DNAH5: variants seen among roughly 807,000 people sequenced by gnomAD.
DNAH5 encodes the protein dynein axonemal heavy chain 5, also known as axonemal beta dynein heavy chain 5.
DNAH5 carries 372 observed loss-of-function variants against 518.2 expected under a neutral mutation model. The observed-to-expected ratio is 0.72, with a 90% CI of 0.66 to 0.78. The LOEUF (loss-of-function observed/expected upper bound fraction) is 0.78, where lower values mean the gene tolerates loss of function less well. Among genes scored for constraint, DNAH5 ranks in the 30% least tolerant of loss-of-function variants. DNAH5 has a pLI of 0.00. For missense variants in DNAH5, 5,523 were observed against 5,687.0 expected (o/e 0.97, Z 0.93); for synonymous variants, 2,039 against 2,025.9 (o/e 1.01, Z -0.17).
At chr5:13,900,107 G>A in intron 15 of DNAH5, 99 bp downstream of exon 15, 1 of 1,121,854 alleles carries the variant, frequency 8.9e-7, no homozygotes. Flanking sequence ...CATTCATCCT[G>A]GCCACTTTCT....
At chr5:13,999,948 T>C (rs1364902492) in intron 1 of DNAH5, among the ~76,000 whole-genome samples, 2 of 152,192 alleles carry the variant, frequency 1.3e-5, no homozygotes, top group Non-Finnish European at 2.9e-5. Context: ...AAAAACAATT[T>C]ATCATGTGTT....
chr5:13,930,581 T>C (rs920288140), intron 2 of DNAH5, among the ~76,000 whole-genome samples: 1 of 152,190 alleles, frequency 6.6e-6, no homozygotes, highest in Non-Finnish European at 1.5e-5. Context: ...TATCTTCCCA[T>C]ATTTTGGCCT....
At position 13,911,366 on chromosome 5, in the gene DNAH5, A is replaced by C; in HGVS notation, c.1644+20T>G. The C allele has an allele frequency of 2.5e-6, 4 of 1,585,504 alleles. No homozygotes were observed. The highest frequency in any genetic ancestry group is 3.5e-6 in the Non-Finnish European group (4 of 1,154,214). On this transcript the variant is annotated intron_variant, in intron 12 of 78. Coordinates refer to ENST00000265104, the MANE Select transcript of DNAH5 (RefSeq NM_001369.3). Reference sequence around the variant, plus strand: ...AAATAAACACACGACTGTCAACAGGAATTTTATTATACAACCTACATGAAG... The same window carrying C: ...AAATAAACACACGACTGTCAACAGGCATTTTATTATACAACCTACATGAAG...
chr5:13,988,178 G>A (rs1224821140), intron 1 of DNAH5, among the ~76,000 whole-genome samples: 1 of 152,190 alleles, frequency 6.6e-6, no homozygotes, highest in Non-Finnish European at 1.5e-5. Context: ...AATTCAAGCA[G>A]TAGAAAATCG....
At chr5:13,971,419 T>C (rs1361555940) in intron 1 of DNAH5, among the ~76,000 whole-genome samples, 1 of 152,204 alleles carries the variant, frequency 6.6e-6, no homozygotes, top group East Asian at 1.9e-4. Context: ...AGAGAAAAGA[T>C]CTGGGGCTCA....
intron 40 of DNAH5, among the ~76,000 whole-genome samples, chr5:13,822,511 A>G (rs1226870031): frequency 6.6e-6 from 1 of 152,168 alleles, no homozygotes; most frequent in Non-Finnish European, 1.5e-5. Context: ...TTGGCCTCCC[A>G]GAGTGCAGGG....
At chr5:13,783,503 G>C (rs151269911) in intron 52 of DNAH5, among the ~76,000 whole-genome samples, 1 of 152,012 alleles carries the variant, frequency 6.6e-6, no homozygotes, top group Non-Finnish European at 1.5e-5. Flanking sequence ...TGGGGGAGGC[G>C]CTCCAGGATC....
chr5:13,864,539 T>C lies in DNAH5; in HGVS notation c.4454A>G (p.Tyr1485Cys). 6.2e-7 allele frequency: 1 copy of C among 1,614,126 alleles called. No individual in the cohort carries two copies. The highest frequency in any genetic ancestry group is 8.5e-7 in the Non-Finnish European group (1 of 1,180,006). Reference sequence around the variant, plus strand: ...CTCCATCATGGCTTTACTGGCCATGTATTCCAGCAGCGGGCAACACTCGCT... The same window carrying C: ...CTCCATCATGGCTTTACTGGCCATGCATTCCAGCAGCGGGCAACACTCGCT... ...DFSECCPLLE[Y>C]MASKAMMERH... The change falls in exon 28 of 79, where the codon TAC becomes TGC. Residue 1485 changes from tyrosine to cysteine, a missense_variant. This residue lies in a region of DNAH5 where 5,121 missense variants were observed against 5,223.3 expected (regional missense o/e 0.98). Transcript: ENST00000265104.
At chr5:13,735,388 G>T (rs1308659980) in intron 67 of DNAH5, 67 bp from the exon 68 acceptor site, 24 of 1,459,146 alleles carry the variant, frequency 1.6e-5, no homozygotes, top group Non-Finnish European at 2.2e-5. Context: ...AAAAACAATT[G>T]TCTTTAATGG....
Position 13,901,493 on chromosome 5 carries a change from G to C in DNAH5, c.1811C>G (p.Ser604Ter). ...GTATTTCTGCTTTGTATACAGCTTT[G>C]AAATCATATCAATGTCAGCCCCATA... is the stretch of plus-strand genomic sequence containing the variant. ...ENYGADIDMI[S>*]KLYTKQKYDP... Residue 604 changes from serine (S) to a stop codon, truncating the protein, a stop_gained, in exon 14 of 79, where the codon TCA (serine) becomes TGA (stop). Transcript: ENST00000265104. LOFTEE classifies it high-confidence loss of function. 2 of 1,613,700 alleles carry C rather than the reference G, an allele frequency of 1.2e-6. No individual in the cohort carries two copies. Among genetic ancestry groups the C allele is most frequent in the Non-Finnish European group, 1.7e-6 (2 of 1,179,974 alleles).
At chr5:13,992,382 A>G (rs1184035438) in intron 1 of DNAH5, among the ~76,000 whole-genome samples, 2 of 152,244 alleles carry the variant, frequency 1.3e-5, no homozygotes, top group Non-Finnish European at 2.9e-5. Flanking sequence ...CATAAGAATG[A>G]GAAGGAAGGA....
At chr5:13,920,889 G>A (rs1318255123) in intron 5 of DNAH5, among the ~76,000 whole-genome samples, 1 of 152,006 alleles carries the variant, frequency 6.6e-6, no homozygotes. Context: ...CTCCCACCTG[G>A]GGACCCATCC....
chr5:13,696,165 A>T (rs1254330798), intron 78 of DNAH5, among the ~76,000 whole-genome samples: 1 of 152,194 alleles, frequency 6.6e-6, no homozygotes, highest in African/African-American at 2.4e-5. Context: ...GCACCTGCTT[A>T]GTGACCAGAG....
chr5:14,008,401 T>A (rs957685613), intron 1 of DNAH5, among the ~76,000 whole-genome samples: 1 of 144,232 alleles, frequency 6.9e-6, no homozygotes, highest in East Asian at 2.1e-4. Context: ...GGCGGGTGGG[T>A]TACTTGAGCC....
chr5:13,799,209 C>CG (rs1016844973), intron 47 of DNAH5, among the ~76,000 whole-genome samples: 1 of 137,858 alleles, frequency 7.3e-6, no homozygotes, highest in Non-Finnish European at 1.6e-5. Context: ...ATTTCATACC[C>CG]CCCCCCACAA....
At chr5:13,940,065 A>G (rs1206387616) in intron 1 of DNAH5, among the ~76,000 whole-genome samples, 1 of 151,996 alleles carries the variant, frequency 6.6e-6, no homozygotes, top group African/African-American at 2.4e-5. Flanking sequence ...TCCCTTACCT[A>G]TCATTCCTTC....
chr5:13,717,455 C>A lies in DNAH5; in HGVS notation c.12565G>T (p.Ala4189Ser), dbSNP rs1744457548. 2 of 1,614,060 alleles carry A rather than the reference C, an allele frequency of 1.2e-6. No individual in the cohort carries two copies. Among genetic ancestry groups the A allele is most frequent in the African/African-American group, 1.3e-5 (1 of 74,942 alleles). The change falls in exon 73 of 79, where the codon GCT becomes TCT. Residue 4189 changes from alanine (A) to serine (S), a missense_variant. By Grantham distance (99) the Ala-to-Ser change is moderately conservative. This residue lies in a region of DNAH5 where 5,121 missense variants were observed against 5,223.3 expected (regional missense o/e 0.98). Coordinates refer to ENST00000265104, the MANE Select transcript of DNAH5 (RefSeq NM_001369.3). The part of the protein sequence containing the change: ...SQWKPMLYAV[A>S]FLHSTVQERR... ...TCCTGGACAGTGGAGTGCAGGAAAGCCACTGCGTACAGCATGGGCTTCCAC... is the reference window on the plus strand; with the variant it reads ...TCCTGGACAGTGGAGTGCAGGAAAGACACTGCGTACAGCATGGGCTTCCAC...
chr5:13,911,313 T>C, intron 12 of DNAH5, 73 bp downstream of exon 12: 1 of 1,158,840 alleles, frequency 8.6e-7, no homozygotes, highest in Non-Finnish European at 1.3e-6. Flanking sequence ...GATTGGGTAA[T>C]GATTAACGGC....
At chr5:13,914,338 G>A (rs1406022462) in intron 10 of DNAH5, among the ~76,000 whole-genome samples, 182 bp downstream of exon 10, 1 of 152,030 alleles carries the variant, frequency 6.6e-6, no homozygotes, top group Non-Finnish European at 1.5e-5. Context: ...GGCTCCCAAG[G>A]AGGGTACAAA....
Sources: allele counts gnomAD v4.1 joint callset (sites outside exome capture counted in the v4.1 genomes callset), GRCh38; gene constraint gnomAD v4.1.1; regional missense constraint gnomAD v4.1.1; transcripts MANE v1.5; gene names NCBI Gene and HGNC (gene_info 2026-07-23, HGNC 2026-07-21).